Variants in ARID1B observed in about 807,000 individuals in gnomAD.
ARID1B encodes AT-rich interactive domain-containing protein 1B.
A neutral mutation model predicts 212.3 loss-of-function variants in ARID1B; 30 were observed. That is an observed-to-expected ratio of 0.14 (90% CI 0.11 to 0.19). The LOEUF (loss-of-function observed/expected upper bound fraction) is 0.19, where lower values mean the gene tolerates loss of function less well. Ranked by LOEUF, ARID1B falls within the 10% of genes least tolerant of loss-of-function variation. The pLI, the probability that ARID1B is intolerant of heterozygous loss-of-function variation, is 1.00. For synonymous variants in ARID1B, 1,402 were observed against 1,301.7 expected, an observed-to-expected ratio of 1.08 and a Z score of -1.66; for missense variants, 2,891 against 3,204.0, an observed-to-expected ratio of 0.90 and a Z score of 2.36.
intron 4 of ARID1B, among the ~76,000 whole-genome samples, chr6:156,987,060 C>T (rs990154069): frequency 4.6e-5 from 7 of 151,712 alleles, no homozygotes; most frequent in South Asian, 2.1e-4. Flanking sequence ...TGCCTGTCGT[C>T]GCAGCTGCTC....
At chr6:156,939,282 C>T (rs1422875538) in intron 4 of ARID1B, 1 of 152,192 alleles carries the variant, frequency 6.6e-6, no homozygotes, top group Non-Finnish European at 1.5e-5. Flanking sequence ...CTAAAAGATG[C>T]TGTCAGTTAC....
intron 4 of ARID1B, among the ~76,000 whole-genome samples, chr6:156,960,218 C>A (rs542114171): frequency 9.5e-4 from 145 of 152,146 alleles, no homozygotes; most frequent in African/African-American, 3.4e-3. Context: ...CATGAGCCAC[C>A]ACGCCTGGCC....
chr6:156,911,581 T>C (rs559377490), intron 3 of ARID1B, among the ~76,000 whole-genome samples: 1 of 152,332 alleles, frequency 6.6e-6, no homozygotes, highest in South Asian at 2.1e-4. Context: ...TTTCCTGAAA[T>C]TCATATGTAA....
chr6:156,953,501 T>A (rs971816070), intron 4 of ARID1B, among the ~76,000 whole-genome samples: 3 of 152,184 alleles, frequency 2.0e-5, no homozygotes, highest in African/African-American at 4.8e-5. Context: ...TATGTAATTT[T>A]AAAAAAAGAA....
chr6:156,863,228 A>G (rs1022769495), intron 2 of ARID1B, among the ~76,000 whole-genome samples: 1 of 152,182 alleles, frequency 6.6e-6, no homozygotes, highest in Non-Finnish European at 1.5e-5. Flanking sequence ...CCAGAATAAG[A>G]TGGGACCTCA....
intron 2 of ARID1B, among the ~76,000 whole-genome samples, chr6:156,843,270 T>C (rs1234302820): frequency 6.6e-6 from 1 of 152,238 alleles, no homozygotes; most frequent in Non-Finnish European, 1.5e-5. Context: ...TATTATTTTA[T>C]ATATATGGTA....
chr6:157,158,776 C>A (rs574432296), intron 8 of ARID1B, among the ~76,000 whole-genome samples: 72 of 152,334 alleles, frequency 4.7e-4, no homozygotes, highest in African/African-American at 1.7e-3. Context: ...ATTCCTAGCA[C>A]TGAGAAGTAA....
intron 1 of ARID1B, among the ~76,000 whole-genome samples, chr6:156,807,016 A>G (rs895986895): frequency 6.6e-6 from 1 of 152,178 alleles, no homozygotes; most frequent in African/African-American, 2.4e-5. Flanking sequence ...TGTAAAACAT[A>G]TTCTTAGCTT....
chr6:156,947,346 CATT>C (rs1793226066), intron 4 of ARID1B, among the ~76,000 whole-genome samples: 1 of 152,174 alleles, frequency 6.6e-6, no homozygotes, highest in African/African-American at 2.4e-5. Flanking sequence ...TAATTTGTCT[CATT>C]ATTAATTCCT....
intron 3 of ARID1B, among the ~76,000 whole-genome samples, chr6:156,918,371 A>G (rs1414659706): frequency 6.6e-6 from 1 of 152,226 alleles, no homozygotes; most frequent in Non-Finnish European, 1.5e-5. Flanking sequence ...GTGGAAAGCC[A>G]CTGAAGTGTT....
chr6:156,793,459 G>A (rs897279653), intron 1 of ARID1B, among the ~76,000 whole-genome samples: 1 of 152,060 alleles, frequency 6.6e-6, no homozygotes, highest in East Asian at 1.9e-4. Context: ...GCTCAGCCTC[G>A]TGAGTATCTG....
At chr6:156,962,586 G>A (rs1291225175) in intron 4 of ARID1B, among the ~76,000 whole-genome samples, 1 of 151,944 alleles carries the variant, frequency 6.6e-6, no homozygotes, top group Non-Finnish European at 1.5e-5. Context: ...GGGCTAAAGC[G>A]ATCCTCCAAC....
chr6:157,203,644 G>T lies in ARID1B; in HGVS notation c.5264-222G>T. On this transcript the variant is annotated intron_variant, in intron 18 of 19. Transcript: ENST00000636930. This position sits in a 1 kb window ranked among gnomAD's most constrained non-coding sequence, Gnocchi z 4.4. Reference sequence around the variant, plus strand: ...CTCCAGAAGCACTTTCGGCCCCTGCGTGACCAACAAAGCGAGATCTGAAAC... The same window carrying T: ...CTCCAGAAGCACTTTCGGCCCCTGCTTGACCAACAAAGCGAGATCTGAAAC... 1 of 571,042 alleles carries T rather than the reference G, an allele frequency of 1.8e-6. No individual in the cohort carries two copies. Among genetic ancestry groups the T allele is most frequent in the Non-Finnish European group, 3.1e-6 (1 of 322,484 alleles). 35.4% of individuals were successfully genotyped at this position (571,042 alleles called of 1,614,324 possible). A position where few individuals can be genotyped will look rare whatever the true frequency, so the allele number is the denominator to read the frequency against.
chr6:156,862,789 G>T (rs971502246), intron 2 of ARID1B, among the ~76,000 whole-genome samples: 2 of 152,220 alleles, frequency 1.3e-5, no homozygotes, highest in African/African-American at 4.8e-5. Context: ...GTGCCCGCTT[G>T]GGGGCTGGGC....
intron 5 of ARID1B, among the ~76,000 whole-genome samples, chr6:157,108,245 A>G (rs926906879): frequency 1.3e-5 from 2 of 152,254 alleles, no homozygotes; most frequent in African/African-American, 4.8e-5. Flanking sequence ...TGTGCCACAC[A>G]ACCAGAAGTG....
At chr6:157,141,428 A>T (rs76836303) in intron 7 of ARID1B, among the ~76,000 whole-genome samples, 5,807 of 152,298 alleles carry the variant, frequency 0.038, 133 homozygotes, top group Non-Finnish European at 0.053. Flanking sequence ...GAAATATGGT[A>T]CCTTATGTAT....
chr6:156,962,548 A>G (rs1041405879), intron 4 of ARID1B, among the ~76,000 whole-genome samples: 5 of 151,846 alleles, frequency 3.3e-5, no homozygotes, highest in Admixed American at 1.3e-4. Context: ...CAGCTTAATC[A>G]CAGCACAATC....
chr6:156,965,593 A>C (rs1414057119), intron 4 of ARID1B, among the ~76,000 whole-genome samples: 1 of 152,224 alleles, frequency 6.6e-6, no homozygotes, highest in African/African-American at 2.4e-5. Flanking sequence ...ATAAAAACCT[A>C]GTGGTTTCAA....
Position 157,210,779 on chromosome 6 carries a change from A to C in ARID1B, c.*2888A>C. 4.4e-6 allele frequency: 1 copy of C among 228,520 alleles called. No individual in the cohort carries two copies. The highest frequency in any genetic ancestry group is 8.7e-6 in the Non-Finnish European group (1 of 115,202). 14.2% of individuals were successfully genotyped at this position (228,520 alleles called of 1,614,324 possible). A position where few individuals can be genotyped will look rare whatever the true frequency, so the allele number is the denominator to read the frequency against. On this transcript the variant is annotated 3_prime_UTR_variant, in exon 20 of 20. Transcript: ENST00000636930. ...TTTTGGAATGGTGCTATAAAGTTGA[A>C]TCTGTTGGTATTTGAGTGGATTTTT...
Sources: gnomAD v4.1 joint callset for allele counts (sites outside exome capture counted in the v4.1 genomes callset) on GRCh38, gnomAD v4.1.1 for gene constraint, Gnocchi (gnomAD v3.1) non-coding constraint, MANE v1.5 for transcripts, NCBI Gene and HGNC (gene_info 2026-07-23, HGNC 2026-07-21) for gene names.